Variants in SYNPO2 observed in about 807,000 individuals in gnomAD.
SYNPO2 encodes synaptopodin 2.
Under a neutral mutation model 85.0 loss-of-function variants are expected in SYNPO2, and 56 were observed. That is an observed-to-expected ratio of 0.66 (90% confidence interval 0.53 to 0.82). SYNPO2 has a LOEUF of 0.82. Ranked by LOEUF, SYNPO2 falls within the 40% of genes least tolerant of loss-of-function variation. SYNPO2 has a pLI of 0.00. For missense variants in SYNPO2, 1,575 were observed against 1,534.2 expected, an observed-to-expected ratio of 1.03 and a Z score of -0.44; for synonymous variants, 602 against 591.1, an observed-to-expected ratio of 1.02 and a Z score of -0.27.
chr4:118,860,050 C>A, intron 1 of SYNPO2, among the ~76,000 whole-genome samples: 1 of 152,154 alleles, frequency 6.6e-6, no homozygotes, highest in East Asian at 1.9e-4. Context: ...ACGAGGGTTT[C>A]CTTTTCTCCA....
intron 1 of SYNPO2, among the ~76,000 whole-genome samples, chr4:118,977,771 C>T (rs1199855972): frequency 6.6e-6 from 1 of 152,218 alleles, no homozygotes; most frequent in Non-Finnish European, 1.5e-5. Context: ...TGTAGGCCTT[C>T]TTTGAACGTA....
At chr4:119,038,369 T>TAAA (rs3216722) in intron 4 of SYNPO2, 13 of 835,490 alleles carry the variant, frequency 1.6e-5, no homozygotes, top group Non-Finnish European at 1.7e-5. Context: ...GTTTTATTAG[T>TAAA]AAAAAAAAAA....
At chr4:119,045,451 A>G (rs751017966) in intron 4 of SYNPO2, among the ~76,000 whole-genome samples, 3 of 152,056 alleles carry the variant, frequency 2.0e-5, no homozygotes, top group Non-Finnish European at 4.4e-5. Context: ...ACCCTGTCTC[A>G]AAAAAACAAA....
At chr4:118,851,532 G>T (rs1024147807) in intron 1 of SYNPO2, among the ~76,000 whole-genome samples, 2 of 152,004 alleles carry the variant, frequency 1.3e-5, no homozygotes, top group African/African-American at 2.4e-5. Flanking sequence ...ATCCCAAAGA[G>T]TTTTGTGCTT....
At chr4:118,909,004 T>A (rs1414311208) in intron 1 of SYNPO2, among the ~76,000 whole-genome samples, 1 of 152,164 alleles carries the variant, frequency 6.6e-6, no homozygotes. Flanking sequence ...GGAATGGCCA[T>A]CTTCTGATCC....
Position 118,963,696 on chromosome 4 carries a change from G to T in SYNPO2, c.106-59734G>T, listed in dbSNP as rs114348999. Among the ~76,000 whole-genome samples the T allele has an allele frequency of 1.0e-2, 1,517 of 152,206 alleles. 23 individuals are homozygous for T. Among genetic ancestry groups the T allele is most frequent in the African/African-American group, 0.034 (1,413 of 41,514 alleles). On this transcript the variant is annotated intron_variant, in intron 1 of 4. Coordinates refer to ENST00000307142, the MANE Select transcript of SYNPO2 (RefSeq NM_133477.3). ...GTTGATCAAATTCTCAGGGAAATGA[G>T]GATAAACTGATTTTTAAAAATTAGT...
At chr4:118,852,743 G>A (rs570482311) in intron 1 of SYNPO2, among the ~76,000 whole-genome samples, 2 of 152,202 alleles carry the variant, frequency 1.3e-5, no homozygotes, top group East Asian at 3.9e-4. Context: ...AGGAGGGAGA[G>A]AATCAGGAAA....
At chr4:118,990,513 T>A (rs6850935) in intron 1 of SYNPO2, among the ~76,000 whole-genome samples, 1 of 151,956 alleles carries the variant, frequency 6.6e-6, no homozygotes, top group Non-Finnish European at 1.5e-5. Flanking sequence ...GTCCTTGTTC[T>A]CATGGATCTT....
intron 1 of SYNPO2, among the ~76,000 whole-genome samples, chr4:119,018,586 C>T (rs1737602860): frequency 6.6e-6 from 1 of 152,100 alleles, no homozygotes; most frequent in South Asian, 2.1e-4. Context: ...TTCTCCACAT[C>T]CTTGCCAGCA....
At chr4:119,040,030 A>C (rs1477840175) in intron 4 of SYNPO2, among the ~76,000 whole-genome samples, 1 of 152,198 alleles carries the variant, frequency 6.6e-6, no homozygotes, top group African/African-American at 2.4e-5. Context: ...CCTGTGCTTC[A>C]ATACCTCAGC....
rs368619759 is a variant in SYNPO2, at chr4:118,881,676, A to AG, written c.12+30737dup. Among the ~76,000 whole-genome samples the AG allele has an allele frequency of 2.8e-4, 42 of 152,290 alleles. 1 individual carries two copies. The South Asian group carries it at 8.3e-3, about 30-fold the overall frequency. On this transcript the variant is annotated intron_variant, in intron 1 of 4. Coordinates refer to the SYNPO2 transcript ENST00000610556. The stretch of plus-strand genomic sequence containing the variant: ...AATCACTGGCAGTAGTAGCAGTGGT[A>AG]GTTTTTCCCTAAGCCACGTTCGGCC...
intron 1 of SYNPO2, among the ~76,000 whole-genome samples, chr4:119,017,680 G>C (rs117803968): frequency 6.6e-6 from 1 of 152,284 alleles, no homozygotes; most frequent in East Asian, 1.9e-4. Context: ...ATAGGCAAAT[G>C]TATGCTAATT....
upstream of SYNPO2, among the ~76,000 whole-genome samples, chr4:118,887,591 T>C (rs919020690): frequency 6.6e-6 from 1 of 152,228 alleles, no homozygotes; most frequent in African/African-American, 2.4e-5. Context: ...TTTTTATTAA[T>C]CTTTCTTAAA....
intron 1 of SYNPO2, among the ~76,000 whole-genome samples, chr4:118,867,289 A>T (rs1731716159): frequency 6.6e-6 from 1 of 152,190 alleles, no homozygotes; most frequent in Non-Finnish European, 1.5e-5. Context: ...TTTACCTAAA[A>T]ATATATATTG....
chr4:118,977,232 C>T (rs985546976), intron 1 of SYNPO2, among the ~76,000 whole-genome samples: 2 of 152,220 alleles, frequency 1.3e-5, no homozygotes, highest in African/African-American at 4.8e-5. Context: ...AAATCGAGCG[C>T]AGCGCCGGTG....
intron 1 of SYNPO2, among the ~76,000 whole-genome samples, chr4:119,014,504 T>C (rs1737452369): frequency 6.6e-6 from 1 of 152,202 alleles, no homozygotes; most frequent in Admixed American, 6.5e-5. Flanking sequence ...ATACGGTTTT[T>C]CATAAAAAAG....
chr4:118,862,176 T>C (rs1341769917), intron 1 of SYNPO2, among the ~76,000 whole-genome samples: 1 of 152,258 alleles, frequency 6.6e-6, no homozygotes, highest in Non-Finnish European at 1.5e-5. Context: ...TATTTGTATG[T>C]TGATTTTGTA....
At chr4:119,009,018 T>C (rs894527925) in intron 1 of SYNPO2, among the ~76,000 whole-genome samples, 1 of 152,198 alleles carries the variant, frequency 6.6e-6, no homozygotes, top group East Asian at 1.9e-4. Context: ...TGAAAACCTC[T>C]TGTCTTCAGC....
chr4:119,026,449 C>G (rs1737946765), intron 2 of SYNPO2, among the ~76,000 whole-genome samples, 178 bp from the exon 3 acceptor site: 1 of 152,160 alleles, frequency 6.6e-6, no homozygotes, highest in African/African-American at 2.4e-5. Flanking sequence ...TTTGGTATCT[C>G]TTTAAGTAAT....
Sources: gnomAD v4.1 joint callset for allele counts (sites outside exome capture counted in the v4.1 genomes callset) on GRCh38, gnomAD v4.1.1 for gene constraint, MANE v1.5 for transcripts, NCBI Gene and HGNC (gene_info 2026-07-23, HGNC 2026-07-21) for gene names.